WWP2: variants seen among roughly 807,000 people sequenced by gnomAD.
WWP2 encodes the protein NEDD4-like E3 ubiquitin-protein ligase WWP2.
WWP2 carries 57 observed loss-of-function variants against 121.0 expected under a neutral mutation model. The observed-to-expected ratio is 0.47, with a 90% CI of 0.38 to 0.59. The LOEUF (loss-of-function observed/expected upper bound fraction) is 0.59, where lower values mean the gene tolerates loss of function less well. Ranked by LOEUF, WWP2 falls within the 20% of genes least tolerant of loss-of-function variation. The pLI, the probability that WWP2 is intolerant of heterozygous loss-of-function variation, is 0.00. For synonymous variants in WWP2, 449 were observed against 441.3 expected (o/e 1.02, Z -0.22); for missense variants, 962 against 1,158.9 (o/e 0.83, Z 2.47).
intron 8 of WWP2, among the ~76,000 whole-genome samples, chr16:69,906,123 AGTGCAGTG>A (rs1211171979): frequency 2.0e-5 from 3 of 149,328 alleles, no homozygotes; most frequent in Non-Finnish European, 4.4e-5. Flanking sequence ...CCCAGACTGG[AGTGCAGTG>A]GTGCGATCTT....
At chr16:69,855,153 T>G (rs1395637622) in intron 6 of WWP2, among the ~76,000 whole-genome samples, 1 of 152,260 alleles carries the variant, frequency 6.6e-6, no homozygotes, top group Non-Finnish European at 1.5e-5. Flanking sequence ...CAGCCGGCTT[T>G]TCATTTTGTT....
At chr16:69,774,030 G>A (rs2055472831) in intron 1 of WWP2, among the ~76,000 whole-genome samples, 1 of 150,442 alleles carries the variant, frequency 6.6e-6, no homozygotes. Context: ...TGAGGGTAGG[G>A]TTTGGTGGTC....
At chr16:69,932,479 G>A (rs903261601) in intron 16 of WWP2, among the ~76,000 whole-genome samples, 8 of 152,364 alleles carry the variant, frequency 5.3e-5, no homozygotes, top group African/African-American at 1.4e-4. Context: ...TGGGAGGGGC[G>A]AGAGCTCAGT....
intron 10 of WWP2, among the ~76,000 whole-genome samples, chr16:69,923,110 G>A (rs573846731): frequency 4.0e-4 from 61 of 152,064 alleles, no homozygotes; most frequent in Middle Eastern, 6.8e-3. Context: ...GGCTGGTCTC[G>A]AACTCCTGAC....
chr16:69,805,086 C>T (rs1259728013), intron 4 of WWP2, among the ~76,000 whole-genome samples: 3 of 151,086 alleles, frequency 2.0e-5, no homozygotes, highest in Non-Finnish European at 4.4e-5. Context: ...GTCACCCAGG[C>T]TGGAGTACAG....
intron 8 of WWP2, among the ~76,000 whole-genome samples, chr16:69,893,969 C>T (rs1219265789): frequency 6.6e-6 from 1 of 152,168 alleles, no homozygotes; most frequent in Non-Finnish European, 1.5e-5. Flanking sequence ...CTCCAGGGGA[C>T]TCTGTCTTTC....
chr16:69,765,035 C>A (rs2151761909), intron 1 of WWP2, among the ~76,000 whole-genome samples: 1 of 152,130 alleles, frequency 6.6e-6, no homozygotes, highest in Non-Finnish European at 1.5e-5. Flanking sequence ...GAAACCCTGT[C>A]TCTACAAAAA....
chr16:69,905,934 T>TA (rs1210013781), intron 8 of WWP2, among the ~76,000 whole-genome samples: 1 of 152,198 alleles, frequency 6.6e-6, no homozygotes, highest in Non-Finnish European at 1.5e-5. Flanking sequence ...GATTCCACCT[T>TA]AAAGGATGAA....
At chr16:69,910,352 C>G (rs2058360730) in intron 9 of WWP2, 1 of 982,410 alleles carries the variant, frequency 1.0e-6, no homozygotes, top group Non-Finnish European at 1.2e-6. Flanking sequence ...GTATTACACA[C>G]TTGTACTTTG....
At chr16:69,882,301 G>C (rs966028990) in intron 7 of WWP2, among the ~76,000 whole-genome samples, 2 of 151,842 alleles carry the variant, frequency 1.3e-5, no homozygotes, top group South Asian at 4.1e-4. Context: ...AATGTCAGGT[G>C]GTTTTATTTC....
intron 11 of WWP2, 82 bp from the exon 12 acceptor site, chr16:69,929,366 C>T (rs1249322079): frequency 2.3e-6 from 3 of 1,327,808 alleles, no homozygotes; most frequent in Admixed American, 1.8e-5. Flanking sequence ...AGACCCAGCA[C>T]CCAGGAGGTG....
chr16:69,836,645 C>G (rs1366738063), intron 4 of WWP2, among the ~76,000 whole-genome samples: 1 of 152,160 alleles, frequency 6.6e-6, no homozygotes, highest in East Asian at 1.9e-4. Flanking sequence ...GGGTCTCGCT[C>G]TGTCACACAG....
intron 6 of WWP2, among the ~76,000 whole-genome samples, chr16:69,868,665 A>G (rs537905629): frequency 0.092 from 3,009 of 32,850 alleles, 101 homozygotes; most frequent in African/African-American, 0.38. Context: ...ACATGTGCAC[A>G]CACACACACA....
intron 1 of WWP2, among the ~76,000 whole-genome samples, chr16:69,785,548 C>G (rs536522988): frequency 6.6e-6 from 1 of 152,066 alleles, no homozygotes; most frequent in Non-Finnish European, 1.5e-5. Context: ...AGTAAAAGAT[C>G]CATTCAAAGT....
intron 6 of WWP2, among the ~76,000 whole-genome samples, chr16:69,851,983 T>TAAAACAAAACAAAACAAAAC (rs58923591): frequency 0.03 from 4,483 of 150,408 alleles, 99 homozygotes; most frequent in Middle Eastern, 0.038. Flanking sequence ...AGATTCCAGC[T>TAAAACAAAACAAAACAAAAC]AAAACAAAAC....
chr16:69,885,348 C>A (rs1335281507), intron 7 of WWP2, among the ~76,000 whole-genome samples: 1 of 152,104 alleles, frequency 6.6e-6, no homozygotes, highest in African/African-American at 2.4e-5. Flanking sequence ...TCAAGCCTTG[C>A]ATTTCTGTTA....
chr16:69,921,288 A>G (rs1597163216), intron 10 of WWP2, among the ~76,000 whole-genome samples: 1 of 152,228 alleles, frequency 6.6e-6, no homozygotes, highest in African/African-American at 2.4e-5. Context: ...TTGCTTTCAT[A>G]TAGTTATTTT....
intron 6 of WWP2, among the ~76,000 whole-genome samples, chr16:69,858,139 A>G (rs1256850111): frequency 6.6e-6 from 1 of 152,048 alleles, no homozygotes; most frequent in Non-Finnish European, 1.5e-5. Context: ...GTTTTCTTTT[A>G]AATAAAGTTA....
At chr16:69,826,116 A>G (rs890152822) in intron 4 of WWP2, among the ~76,000 whole-genome samples, 4 of 151,398 alleles carry the variant, frequency 2.6e-5, no homozygotes, top group African/African-American at 9.7e-5. Context: ...AAAATACAAA[A>G]ATTAGCCGGG....
Sources: gnomAD v4.1 joint callset for allele counts (sites outside exome capture counted in the v4.1 genomes callset) on GRCh38, gnomAD v4.1.1 for gene constraint, MANE v1.5 for transcripts, NCBI Gene and HGNC (gene_info 2026-07-23, HGNC 2026-07-21) for gene names.